KHDRBS2: variants seen among roughly 807,000 people sequenced by gnomAD.
The protein encoded by KHDRBS2 is KH domain-containing, RNA-binding, signal transduction-associated protein 2.
In KHDRBS2, 26 loss-of-function variants were observed where a neutral mutation model predicts 44.3. The observed-to-expected ratio is 0.59, with a 90% CI of 0.43 to 0.81. The LOEUF (loss-of-function observed/expected upper bound fraction) is 0.81, where lower values mean the gene tolerates loss of function less well. KHDRBS2 is among the 40% of genes least tolerant of loss of function. The pLI is 0.00. For synonymous variants in KHDRBS2, 194 were observed against 151.1 expected, an observed-to-expected ratio of 1.28 and a Z score of -2.08; for missense variants, 476 against 433.1, an observed-to-expected ratio of 1.10 and a Z score of -0.88.
At chr6:61,599,449 G>T in the KHDRBS2 span, among the ~76,000 whole-genome samples, 1 of 146,786 alleles carries the variant, frequency 6.8e-6, no homozygotes, top group African/African-American at 2.5e-5. Context: ...AAAAGTGGGT[G>T]CAGAAGATGT....
the KHDRBS2 span, among the ~76,000 whole-genome samples, chr6:61,600,027 A>T: frequency 1.3e-5 from 2 of 152,236 alleles, no homozygotes; most frequent in African/African-American, 4.8e-5. Flanking sequence ...ATTACATGAC[A>T]GTTGGTACAC....
At chr6:61,965,272 C>T (rs1351990271) in intron 4 of KHDRBS2, among the ~76,000 whole-genome samples, 4 of 151,972 alleles carry the variant, frequency 2.6e-5, no homozygotes, top group Admixed American at 2.0e-4. Context: ...CTTTATGGGT[C>T]TGGAAGCTTC....
chr6:62,240,670 GTGTATATATATATATATATATATATA>G (rs1371778951), intron 1 of KHDRBS2, among the ~76,000 whole-genome samples: 6 of 62,544 alleles, frequency 9.6e-5, no homozygotes, highest in African/African-American at 3.2e-4. Flanking sequence ...GTATGTGTGT[GTGTATATATATATATATATATATATA>G]TATATATATA....
At chr6:61,971,871 A>G (rs1219409934) in intron 4 of KHDRBS2, among the ~76,000 whole-genome samples, 1 of 152,084 alleles carries the variant, frequency 6.6e-6, no homozygotes, top group Non-Finnish European at 1.5e-5. Flanking sequence ...TATAATCTTT[A>G]TCTTTTACAT....
At chr6:61,899,913 A>T (rs1283216858) in intron 5 of KHDRBS2, among the ~76,000 whole-genome samples, 1 of 151,968 alleles carries the variant, frequency 6.6e-6, no homozygotes, top group Non-Finnish European at 1.5e-5. Flanking sequence ...ACTAGCAATG[A>T]TGTCTTTTTT....
chr6:61,603,386 T>A, the KHDRBS2 span, among the ~76,000 whole-genome samples: 1 of 152,144 alleles, frequency 6.6e-6, no homozygotes, highest in African/African-American at 2.4e-5. Context: ...GCATCCTTCA[T>A]CCCAGCCTCT....
At position 61,829,250 on chromosome 6, in the gene KHDRBS2, C is replaced by T. The variant is rs373020376; in HGVS notation, c.810+65385G>A. On this transcript the variant is annotated intron_variant, in intron 6 of 8. Coordinates refer to ENST00000281156, the MANE Select transcript of KHDRBS2 (RefSeq NM_152688.4). ...AATCTCGGATCACTGCAACCTCTGC[C>T]TCCCGGGTTAAAGCAATTCTCCTGC... Among the ~76,000 whole-genome samples, 19 of 152,252 alleles carry T rather than the reference C, an allele frequency of 1.2e-4. 1 individual carries two copies. In the South Asian group the frequency reaches 3.9e-3, roughly 32 times the overall value.
chr6:61,780,175 T>G (rs1258769624), intron 6 of KHDRBS2, among the ~76,000 whole-genome samples: 2 of 152,162 alleles, frequency 1.3e-5, no homozygotes, highest in African/African-American at 2.4e-5. Context: ...TTTAAAAATT[T>G]AAAAAATATA....
the KHDRBS2 span, among the ~76,000 whole-genome samples, chr6:61,562,641 T>C: frequency 6.6e-6 from 1 of 152,148 alleles, no homozygotes; most frequent in Non-Finnish European, 1.5e-5. Context: ...GAGTCAATTA[T>C]TTGAAATGCA....
chr6:62,048,738 G>T (rs1339825950), intron 2 of KHDRBS2, among the ~76,000 whole-genome samples: 1 of 151,886 alleles, frequency 6.6e-6, no homozygotes, highest in Non-Finnish European at 1.5e-5. Context: ...TGAACTAAGA[G>T]CAGTTACGAA....
chr6:61,944,529 G>T (rs910745375), intron 4 of KHDRBS2, among the ~76,000 whole-genome samples: 2 of 152,022 alleles, frequency 1.3e-5, no homozygotes, highest in Admixed American at 6.6e-5. Context: ...GAAGTGAAGA[G>T]GTGGTAGTGA....
At chr6:62,228,448 T>C (rs1479735202) in intron 1 of KHDRBS2, among the ~76,000 whole-genome samples, 1 of 152,124 alleles carries the variant, frequency 6.6e-6, no homozygotes, top group East Asian at 1.9e-4. Context: ...AGTCTATCTG[T>C]TTTGTTATCT....
intron 4 of KHDRBS2, among the ~76,000 whole-genome samples, chr6:61,915,679 T>A (rs531217678): frequency 6.6e-6 from 1 of 152,148 alleles, no homozygotes; most frequent in East Asian, 1.9e-4. Context: ...GAAAAGAATA[T>A]TTTTAAAAAC....
chr6:61,836,967 T>A (rs1054572388), intron 6 of KHDRBS2, among the ~76,000 whole-genome samples: 19 of 151,894 alleles, frequency 1.3e-4, no homozygotes, highest in African/African-American at 3.9e-4. Context: ...ATATGAAAAT[T>A]TATCTATTGT....
intron 6 of KHDRBS2, among the ~76,000 whole-genome samples, chr6:61,884,831 A>C (rs1231243145): frequency 6.6e-6 from 1 of 152,070 alleles, no homozygotes; most frequent in East Asian, 1.9e-4. Context: ...TCTTTAAACA[A>C]TCTCTCCCTG....
At chr6:62,050,873 A>G (rs552655724) in intron 2 of KHDRBS2, among the ~76,000 whole-genome samples, 94 of 152,230 alleles carry the variant, frequency 6.2e-4, no homozygotes, top group African/African-American at 2.2e-3. Context: ...CACAATCACC[A>G]TTAAGCCAGA....
intron 3 of KHDRBS2, among the ~76,000 whole-genome samples, chr6:62,004,688 C>A (rs1174846783): frequency 6.6e-6 from 1 of 152,046 alleles, no homozygotes; most frequent in East Asian, 1.9e-4. Context: ...GATACCAAAG[C>A]CTGGCAGAGG....
chr6:62,037,432 AT>A (rs890800349), intron 3 of KHDRBS2, among the ~76,000 whole-genome samples: 4 of 152,018 alleles, frequency 2.6e-5, no homozygotes, highest in South Asian at 2.1e-4. Context: ...TGAAAAAAAA[AT>A]ATTCTGATAA....
intron 6 of KHDRBS2, among the ~76,000 whole-genome samples, chr6:61,881,546 G>A (rs1164905221): frequency 6.6e-6 from 1 of 151,890 alleles, no homozygotes; most frequent in Non-Finnish European, 1.5e-5. Flanking sequence ...ATCTCGACAG[G>A]CAGAGTACAG....
Sources: allele counts gnomAD v4.1 joint callset (sites outside exome capture counted in the v4.1 genomes callset), GRCh38; gene constraint gnomAD v4.1.1; transcripts MANE v1.5; gene names NCBI Gene and HGNC (gene_info 2026-07-23, HGNC 2026-07-21).